Variants in SCN2B observed in about 807,000 individuals in gnomAD.
The protein encoded by SCN2B is sodium channel regulatory subunit beta-2.
Under a neutral mutation model 18.2 loss-of-function variants are expected in SCN2B, and 14 were observed. The ratio of observed to expected loss-of-function variants is 0.77; its 90% CI spans 0.51 to 1.21. The LOEUF (loss-of-function observed/expected upper bound fraction) is 1.21, where lower values mean the gene tolerates loss of function less well. Among genes scored for constraint, SCN2B ranks in the 50% most tolerant of loss-of-function variants. The pLI, the probability that SCN2B is intolerant of heterozygous loss-of-function variation, is 0.00. For synonymous variants in SCN2B, 115 were observed against 115.3 expected (o/e 1.00, Z 0.02); for missense variants, 262 against 286.9 (o/e 0.91, Z 0.63).
At chr11:118,170,380 T>C (rs925125949) in intron 1 of SCN2B, among the ~76,000 whole-genome samples, 1 of 152,132 alleles carries the variant, frequency 6.6e-6, no homozygotes, top group Non-Finnish European at 1.5e-5. Flanking sequence ...GCAAGTGTAC[T>C]CCCAGGGGCC....
In SCN2B at chr11:118,168,167, C is replaced by T. The variant is rs1948400681; in HGVS notation, c.366G>A (p.Glu122=). The change falls in exon 3 of 4, where the codon GAG becomes GAA. Residue 122 remains glutamate (E), a synonymous_variant. Transcript: ENST00000278947. This position sits in a 1 kb window ranked among gnomAD's most constrained non-coding sequence, Gnocchi z 4.7. ...VMLRNVQPED[E]GIYNCYIMNP... ...TCATGATGTAGCAGTTGTAAATCCC[C>T]TCATCCTCCGGCTGCACGTTTCTCA... 2 of 1,614,210 alleles carry T rather than the reference C, an allele frequency of 1.2e-6. No homozygotes were observed. Among genetic ancestry groups the T allele is most frequent in the South Asian group, 1.1e-5 (1 of 91,082 alleles).
Position 118,165,565 on chromosome 11 carries a change from T to C in SCN2B, c.*1322A>G, listed in dbSNP as rs973292852. The C allele has an allele frequency of 2.1e-5, 3 of 145,376 alleles. No homozygotes were observed. The highest frequency in any genetic ancestry group is 7.7e-5 in the African/African-American group (3 of 38,878). The allele number at this position is 145,376 out of a possible 1,614,324, so 9.0% of individuals were successfully genotyped here. On this transcript the variant is annotated 3_prime_UTR_variant, in exon 4 of 4. Coordinates refer to ENST00000278947, the MANE Select transcript of SCN2B (RefSeq NM_004588.5). ...TATCTCAGTTCACTGCAACCTCTGCTTCCCGGGCTCAAGCGATTCTCCTGC... is the reference window on the plus strand; with the variant it reads ...TATCTCAGTTCACTGCAACCTCTGCCTCCCGGGCTCAAGCGATTCTCCTGC...
rs1478858823 is a variant in SCN2B, at chr11:118,168,316, A to C, written c.238-21T>G. 1.2e-6 allele frequency: 2 copies of C among 1,604,574 alleles called. No homozygotes were observed. The highest frequency in any genetic ancestry group is 2.7e-5 in the African/African-American group (2 of 74,762). Reference sequence around the variant, plus strand: ...AGGAACTGGGGTTGGAGCAAGGGACAGGATGGGTGGCTGGATGAGCAAGGA... The same window carrying C: ...AGGAACTGGGGTTGGAGCAAGGGACCGGATGGGTGGCTGGATGAGCAAGGA... On this transcript the variant is annotated intron_variant, in intron 2 of 3. Coordinates refer to ENST00000278947, the MANE Select transcript of SCN2B (RefSeq NM_004588.5). This position sits in a 1 kb window ranked among gnomAD's most constrained non-coding sequence, Gnocchi z 4.7.
In SCN2B at chr11:118,166,985, T is replaced by C; in HGVS notation, c.550A>G (p.Arg184Gly). The C allele has an allele frequency of 6.2e-7, 1 of 1,614,020 alleles. No homozygotes were observed. Among genetic ancestry groups the C allele is most frequent in the Non-Finnish European group, 8.5e-7 (1 of 1,180,004 alleles). Reference sequence around the variant, plus strand: ...CTCAGCTTCTGCTCTTTTTTTCTCCTCACACACTTGACCACCATCAGCACC... The same window carrying C: ...CTCAGCTTCTGCTCTTTTTTTCTCCCCACACACTTGACCACCATCAGCACC... ...ILVLMVVKCV[R>G]RKKEQKLSTD... Residue 184 changes from arginine (R) to glycine (G), a missense_variant, in exon 4 of 4, where the codon AGG becomes GGG. Physicochemically the swap from Arg to Gly is moderately radical, Grantham distance 125. Transcript: ENST00000278947.
intron 1 of SCN2B, among the ~76,000 whole-genome samples, chr11:118,171,774 A>G (rs1948433391): frequency 6.6e-6 from 1 of 152,226 alleles, no homozygotes; most frequent in Non-Finnish European, 1.5e-5. Flanking sequence ...GGGGCCCTGC[A>G]GAAGGTACCG....
chr11:118,173,207 C>T (rs1948443222), intron 1 of SCN2B, among the ~76,000 whole-genome samples: 2 of 152,202 alleles, frequency 1.3e-5, no homozygotes, highest in Non-Finnish European at 2.9e-5. Context: ...CTAGCCTCAT[C>T]CCCTGCCAGC....
Position 118,168,682 on chromosome 11 carries a change from C to T in SCN2B, c.140G>A (p.Arg47His), listed in dbSNP as rs17121818. Residue 47 changes from arginine (R) to histidine (H), a missense_variant, in exon 2 of 4, where the codon CGC (arginine) becomes CAC (histidine). Coordinates refer to ENST00000278947, the MANE Select transcript of SCN2B (RefSeq NM_004588.5). This position sits in a 1 kb window ranked among gnomAD's most constrained non-coding sequence, Gnocchi z 4.7. Reference sequence around the variant, plus strand: ...GCAGGAGTTGAAGGTGCAGGGCAGGCGGGCGTCAGAGCCATTGAGGACGTT... The same window carrying T: ...GCAGGAGTTGAAGGTGCAGGGCAGGTGGGCGTCAGAGCCATTGAGGACGTT... ...TLNVLNGSDA[R>H]LPCTFNSCYT... 5.9e-5 allele frequency: 96 copies of T among 1,614,222 alleles called. No individual in the cohort carries two copies. Among genetic ancestry groups the T allele is most frequent in the Middle Eastern group, 3.3e-4 (2 of 6,062 alleles).
In SCN2B at chr11:118,164,085, C is replaced by A. The variant is rs1948356200; in HGVS notation, c.*2802G>T. On this transcript the variant is annotated 3_prime_UTR_variant, in exon 4 of 4. Transcript: ENST00000278947. Reference sequence around the variant, plus strand: ...TTTCCTGGGCCCCAGTTGATCAGGGCAGAGGAAAAAAAGACTCCAGGAATC... The same window carrying A: ...TTTCCTGGGCCCCAGTTGATCAGGGAAGAGGAAAAAAAGACTCCAGGAATC... The A allele has an allele frequency of 2.0e-5, 3 of 151,902 alleles. No homozygotes were observed. 9.4% of individuals were successfully genotyped at this position (151,902 alleles called of 1,614,324 possible). A position where few individuals can be genotyped will look rare whatever the true frequency, so the allele number is the denominator to read the frequency against.
Position 118,166,953 on chromosome 11 carries a change from A to G in SCN2B, c.582T>C (p.Asp194=). 6.2e-7 allele frequency: 1 copy of G among 1,614,134 alleles called. No homozygotes were observed. Among genetic ancestry groups the G allele is most frequent in the Non-Finnish European group, 8.5e-7 (1 of 1,180,022 alleles). The change falls in exon 4 of 4, where the codon GAT becomes GAC. Residue 194 remains aspartate (D), a synonymous_variant. Transcript: ENST00000278947. ...RRKKEQKLST[D]DLKTEEEGKT... is the part of the protein sequence containing the mutation. Reference sequence around the variant, plus strand: ...TGCCCTCCTCCTCGGTCTTCAGGTCATCTGTGCTCAGCTTCTGCTCTTTTT... The same window carrying G: ...TGCCCTCCTCCTCGGTCTTCAGGTCGTCTGTGCTCAGCTTCTGCTCTTTTT...
At chr11:118,170,641 T>G (rs937365899) in intron 1 of SCN2B, among the ~76,000 whole-genome samples, 8 of 152,088 alleles carry the variant, frequency 5.3e-5, no homozygotes, top group Admixed American at 1.3e-4. Flanking sequence ...GGGAATCGCA[T>G]AGACAAGGGG....
chr11:118,168,176 C>T lies in SCN2B; in HGVS notation c.357G>A (p.Pro119=), dbSNP rs149169244. 162 of 1,614,222 alleles carry T rather than the reference C, an allele frequency of 1.0e-4. No homozygotes were observed. The highest frequency in any genetic ancestry group is 1.3e-4 in the East Asian group (6 of 44,884). The change falls in exon 3 of 4, where the codon CCG becomes CCA. Residue 119 remains proline (P), a synonymous_variant. Transcript: ENST00000278947. This position sits in a 1 kb window ranked among gnomAD's most constrained non-coding sequence, Gnocchi z 4.7. ...DVSVMLRNVQ[P]EDEGIYNCYI... ...AGCAGTTGTAAATCCCCTCATCCTC[C>T]GGCTGCACGTTTCTCAGCATCACCG... is the stretch of plus-strand genomic sequence containing the variant.
intron 3 of SCN2B, 93 bp downstream of exon 3, chr11:118,167,992 G>A (rs1948398132): frequency 9.9e-7 from 1 of 1,007,982 alleles, no homozygotes. Context: ...TCCTCAGGAG[G>A]GCCTGGCCTC....
Position 118,168,678 on chromosome 11 carries a change from C to G in SCN2B, c.144G>C (p.Leu48=). The G allele has an allele frequency of 6.2e-7, 1 of 1,614,224 alleles. No individual in the cohort carries two copies. Among genetic ancestry groups the G allele is most frequent in the Non-Finnish European group, 8.5e-7 (1 of 1,180,032 alleles). The change falls in exon 2 of 4, where the codon CTG becomes CTC. Residue 48 remains leucine (L), a synonymous_variant. Transcript: ENST00000278947. This position sits in a 1 kb window ranked among gnomAD's most constrained non-coding sequence, Gnocchi z 4.7. The part of the protein sequence containing the change: ...LNVLNGSDAR[L]PCTFNSCYTV... ...TGTAGCAGGAGTTGAAGGTGCAGGG[C>G]AGGCGGGCGTCAGAGCCATTGAGGA...
intron 1 of SCN2B, among the ~76,000 whole-genome samples, chr11:118,175,715 C>T (rs1948464108): frequency 6.6e-6 from 1 of 152,030 alleles, no homozygotes; most frequent in Non-Finnish European, 1.5e-5. Context: ...CATTTTTTTC[C>T]TGAATCTCTA....
chr11:118,174,100 T>TTTTTTTTTTTTG (rs1948450509), intron 1 of SCN2B, among the ~76,000 whole-genome samples: 1 of 125,264 alleles, frequency 8.0e-6, no homozygotes, highest in African/African-American at 3.2e-5. Flanking sequence ...TCTTTTTTTT[T>TTTTTTTTTTTTG]TTTTTTTTTT....
intron 1 of SCN2B, among the ~76,000 whole-genome samples, chr11:118,169,521 G>GCTC (rs1297934163): frequency 3.9e-5 from 6 of 152,184 alleles, no homozygotes; most frequent in Non-Finnish European, 8.8e-5. Context: ...GAGCAAAGCT[G>GCTC]TGTCCCAGCC....
chr11:118,167,791 A>G (rs1280254018), intron 3 of SCN2B, among the ~76,000 whole-genome samples: 1 of 152,218 alleles, frequency 6.6e-6, no homozygotes, highest in Non-Finnish European at 1.5e-5. Context: ...TCCTGAGCTC[A>G]AGCTATCTGC....
rs1948378420 is a variant in SCN2B, at chr11:118,166,000, C to T, written c.*887G>A. On this transcript the variant is annotated 3_prime_UTR_variant, in exon 4 of 4. Coordinates refer to ENST00000278947, the MANE Select transcript of SCN2B (RefSeq NM_004588.5). ...GCTGCCCCACCCTGTGCATGGCCTC[C>T]TCATTTCCCAGCCTTGGCTGCCCCT... 1 of 152,380 alleles carries T rather than the reference C, an allele frequency of 6.6e-6. No individual in the cohort carries two copies. 9.4% of individuals were successfully genotyped at this position (152,380 alleles called of 1,614,324 possible). A position where few individuals can be genotyped will look rare whatever the true frequency, so the allele number is the denominator to read the frequency against.
rs770067730 is a variant in SCN2B, at chr11:118,168,154, A to G, written c.379T>C (p.Cys127Arg). 1.2e-6 allele frequency: 2 copies of G among 1,614,162 alleles called. No individual in the cohort carries two copies. Among genetic ancestry groups the G allele is most frequent in the South Asian group, 2.2e-5 (2 of 91,078 alleles). Residue 127 changes from cysteine (C) to arginine (R), a missense_variant, in exon 3 of 4, where the codon TGC becomes CGC. Coordinates refer to ENST00000278947, the MANE Select transcript of SCN2B (RefSeq NM_004588.5). The surrounding 1 kb of genome is among the most constrained non-coding windows in gnomAD (Gnocchi z 4.7). ...CGGTCAGGGGGGTTCATGATGTAGC[A>G]GTTGTAAATCCCCTCATCCTCCGGC... is the stretch of plus-strand genomic sequence containing the variant. ...VQPEDEGIYN[C>R]YIMNPPDRHR...
Sources: gnomAD v4.1 joint callset for allele counts (sites outside exome capture counted in the v4.1 genomes callset) on GRCh38, gnomAD v4.1.1 for gene constraint, Gnocchi (gnomAD v3.1) non-coding constraint, MANE v1.5 for transcripts, NCBI Gene and HGNC (gene_info 2026-07-23, HGNC 2026-07-21) for gene names.